FARP2: variants seen among roughly 807,000 people sequenced by gnomAD.
FARP2 encodes the protein FERM, ARHGEF and pleckstrin domain-containing protein 2.
A neutral mutation model predicts 130.5 loss-of-function variants in FARP2; 111 were observed. That is an observed-to-expected ratio of 0.85 (90% CI 0.73 to 1.00). FARP2 has a LOEUF of 1.00. Ranked by LOEUF, FARP2 falls within the 50% of genes least tolerant of loss-of-function variation. The pLI, the probability that FARP2 is intolerant of heterozygous loss-of-function variation, is 0.00. For missense variants in FARP2, 1,385 were observed against 1,346.3 expected (o/e 1.03, Z -0.45); for synonymous variants, 504 against 516.9 (o/e 0.98, Z 0.34).
Position 241,463,347 on chromosome 2 carries a change from G to T in FARP2, c.1690G>T (p.Ala564Ser). ...ACTCTTCCCACAGTGGTTCCGCAGC[G>T]CAGTGGTGAAGGAGGACGCCATGCC... ...LEVITVWFRS[A>S]VVKEDAMPAT... Residue 564 changes from alanine (A) to serine (S), a missense_variant, in exon 16 of 27, where the codon GCA becomes TCA. Ala to Ser is a moderately conservative substitution (Grantham distance 99). Coordinates refer to ENST00000264042, the MANE Select transcript of FARP2 (RefSeq NM_014808.4). 6.2e-7 allele frequency: 1 copy of T among 1,614,030 alleles called. No individual in the cohort carries two copies.
intron 19 of FARP2, chr2:241,478,888 G>C (rs2064543649): frequency 5.1e-6 from 2 of 393,178 alleles, no homozygotes; most frequent in Non-Finnish European, 9.8e-6. Context: ...ATCAGGCCAA[G>C]TTCCTCTATG....
intron 2 of FARP2, among the ~76,000 whole-genome samples, chr2:241,397,712 G>A (rs1317028079): frequency 3.9e-5 from 6 of 151,944 alleles, no homozygotes; most frequent in Non-Finnish European, 5.9e-5. Flanking sequence ...TGAGTTGTAG[G>A]TTCTTGGTGT....
intron 12 of FARP2, among the ~76,000 whole-genome samples, chr2:241,437,666 A>ATTTTTTTTTTTTTTTT (rs1243876155): frequency 2.0e-4 from 26 of 129,226 alleles, no homozygotes; most frequent in Non-Finnish European, 3.2e-4. Flanking sequence ...TTATTTATTT[A>ATTTTTTTTTTTTTTTT]TTTATTTTTT....
At position 241,491,612 on chromosome 2, in the gene FARP2, C is replaced by A; in HGVS notation, c.2720C>A (p.Thr907Asn). Reference protein sequence around the residue: ...LEGHGQHRANTTMHVCWYRNT... With the variant: ...LEGHGQHRANNTMHVCWYRNT... ...GGGCATGGCCAGCACCGGGCCAACA[C>A]CACAATGCACGTGTGCTGGTACCGG... Residue 907 changes from threonine to asparagine, a missense_variant, in exon 24 of 27, where the codon ACC becomes AAC. By Grantham distance (65) the Thr-to-Asn change is moderately conservative. Transcript: ENST00000264042. 6.2e-7 allele frequency: 1 copy of A among 1,613,738 alleles called. No individual in the cohort carries two copies. The highest frequency in any genetic ancestry group is 8.5e-7 in the Non-Finnish European group (1 of 1,179,972).
At chr2:241,476,978 C>T (rs906353497) in intron 19 of FARP2, among the ~76,000 whole-genome samples, 9 of 152,128 alleles carry the variant, frequency 5.9e-5, no homozygotes, top group Non-Finnish European at 1.3e-4. Flanking sequence ...GTTCTGCTCC[C>T]TAACCCCTGG....
Position 241,491,694 on chromosome 2 carries a change from GCAC to G in FARP2, c.2787+20_2787+22del. 4.4e-6 allele frequency: 7 copies of G among 1,578,714 alleles called. No homozygotes were observed. Among genetic ancestry groups the G allele is most frequent in the Non-Finnish European group, 6.0e-6 (7 of 1,159,766 alleles). The stretch of plus-strand genomic sequence containing the variant: ...CAGCTGTCGAGGTACGACCGCATGA[GCAC>G]CACCTCAGTGCATCTGGAATGTTCC... On this transcript the variant is annotated intron_variant, in intron 24 of 26. Transcript: ENST00000264042.
chr2:241,491,802 T>C, intron 24 of FARP2, 123 bp downstream of exon 24: 1 of 893,292 alleles, frequency 1.1e-6, no homozygotes, highest in Non-Finnish European at 1.6e-6. Flanking sequence ...GAGGACTGCC[T>C]CTTACTCTCC....
intron 2 of FARP2, among the ~76,000 whole-genome samples, chr2:241,374,983 G>A (rs2061501999): frequency 6.6e-6 from 1 of 152,118 alleles, no homozygotes; most frequent in African/African-American, 2.4e-5. Flanking sequence ...GTCTTGCCCT[G>A]TCACCCAGGC....
Position 241,401,256 on chromosome 2 carries a change from C to T in FARP2, c.184-2572C>T, listed in dbSNP as rs1428726011. On this transcript the variant is annotated intron_variant, in intron 2 of 26. Transcript: ENST00000264042. ...CCTTTGGAACAATGAGATTTGCCTCCCCCAGTTTGCACATATTGTTTATTA... is the reference window on the plus strand; with the variant it reads ...CCTTTGGAACAATGAGATTTGCCTCTCCCAGTTTGCACATATTGTTTATTA... Among the ~76,000 whole-genome samples, 3 of 152,118 alleles carry T rather than the reference C, an allele frequency of 2.0e-5. No individual in the cohort carries two copies. The South Asian group carries it at 6.2e-4, about 32-fold the overall frequency.
At chr2:241,372,443 G>A (rs936871120) in intron 1 of FARP2, 6 of 152,146 alleles carry the variant, frequency 3.9e-5, no homozygotes, top group African/African-American at 9.7e-5. Context: ...TAGAAAAATC[G>A]CGGGTTACAA....
chr2:241,397,853 A>G (rs1328029696), intron 2 of FARP2, among the ~76,000 whole-genome samples: 1 of 133,708 alleles, frequency 7.5e-6, no homozygotes, highest in African/African-American at 2.8e-5. Context: ...TTTTTTTGAG[A>G]CAGTCTCGCT....
intron 13 of FARP2, among the ~76,000 whole-genome samples, chr2:241,451,075 C>T (rs1192588158): frequency 6.6e-6 from 1 of 152,192 alleles, no homozygotes; most frequent in Non-Finnish European, 1.5e-5. Flanking sequence ...ACCTCCACCT[C>T]CTGAGTAGCT....
intron 1 of FARP2, among the ~76,000 whole-genome samples, chr2:241,369,285 G>A (rs1236155686): frequency 6.6e-6 from 1 of 152,102 alleles, no homozygotes; most frequent in Non-Finnish European, 1.5e-5. Context: ...AAACATTTTT[G>A]TTATAAAATA....
intron 13 of FARP2, among the ~76,000 whole-genome samples, chr2:241,449,794 C>G (rs1208807628): frequency 6.6e-6 from 1 of 151,964 alleles, no homozygotes; most frequent in Non-Finnish European, 1.5e-5. Flanking sequence ...GTCAGGAGTT[C>G]GAGACTAGCC....
intron 2 of FARP2, among the ~76,000 whole-genome samples, chr2:241,374,560 C>G (rs568177568): frequency 3.4e-4 from 52 of 152,136 alleles, no homozygotes; most frequent in African/African-American, 1.2e-3. Context: ...TTGCGGAATG[C>G]ATTGCATGGG....
At chr2:241,446,511 A>G (rs1046005461) in intron 13 of FARP2, 1 of 152,138 alleles carries the variant, frequency 6.6e-6, no homozygotes, top group Non-Finnish European at 1.5e-5. Flanking sequence ...TAATTGTAGC[A>G]CTTCACATGT....
chr2:241,437,906 C>A (rs539995259), intron 12 of FARP2, among the ~76,000 whole-genome samples: 1 of 152,154 alleles, frequency 6.6e-6, no homozygotes, highest in Non-Finnish European at 1.5e-5. Context: ...ACCTCATGAT[C>A]TGCCCGCCTC....
In FARP2 at chr2:241,489,985, G is replaced by A; in HGVS notation, c.2445G>A (p.Trp815Ter). Residue 815 changes from tryptophan to a stop codon, truncating the protein, a stop_gained, in exon 22 of 27, where the codon TGG (tryptophan) becomes TGA (stop). Transcript: ENST00000264042. LOFTEE classifies it high-confidence loss of function. ...GMLVEESDNE[W>*]SVPHCFTIYA... is the part of the protein sequence containing the mutation. ...AGGTGGAAGAAAGTGATAACGAGTGGTCTGTTCCACACTGTTTCACCATCT... is the reference window on the plus strand; with the variant it reads ...AGGTGGAAGAAAGTGATAACGAGTGATCTGTTCCACACTGTTTCACCATCT... 6.2e-7 allele frequency: 1 copy of A among 1,613,850 alleles called. No individual in the cohort carries two copies. The highest frequency in any genetic ancestry group is 8.5e-7 in the Non-Finnish European group (1 of 1,179,768).
intron 2 of FARP2, among the ~76,000 whole-genome samples, chr2:241,387,757 C>T (rs2150322825): frequency 6.9e-6 from 1 of 144,234 alleles, no homozygotes; most frequent in East Asian, 2.0e-4. Context: ...CGCACCACTG[C>T]ACTCCAGCCT....
Sources: gnomAD v4.1 joint callset for allele counts (sites outside exome capture counted in the v4.1 genomes callset) on GRCh38, gnomAD v4.1.1 for gene constraint, MANE v1.5 for transcripts, NCBI Gene and HGNC (gene_info 2026-07-23, HGNC 2026-07-21) for gene names.